The following WWP2 variants were observed in gnomAD, a reference collection of about 807,000 sequenced individuals.
WWP2 encodes NEDD4-like E3 ubiquitin-protein ligase WWP2.
Under a neutral mutation model 121.0 loss-of-function variants are expected in WWP2, and 57 were observed. The observed-to-expected ratio is 0.47, with a 90% confidence interval of 0.38 to 0.59. The LOEUF (loss-of-function observed/expected upper bound fraction) is 0.59. WWP2 is among the 20% of genes least tolerant of loss of function. The pLI, the probability that WWP2 is intolerant of heterozygous loss-of-function variation, is 0.00. For missense variants in WWP2, 962 were observed against 1,158.9 expected, an observed-to-expected ratio of 0.83 and a Z score of 2.47; for synonymous variants, 449 against 441.3, an observed-to-expected ratio of 1.02 and a Z score of -0.22.
At chr16:69,912,296 A>AAAAAC (rs1170811883) in intron 9 of WWP2, among the ~76,000 whole-genome samples, 1 of 151,770 alleles carries the variant, frequency 6.6e-6, no homozygotes, top group Non-Finnish European at 1.5e-5. Flanking sequence ...CATCTCAAAA[A>AAAAAC]AAAACAAAAC....
chr16:69,840,164 A>G lies in WWP2; in HGVS notation c.379A>G (p.Asn127Asp), dbSNP rs189041230. Residue 127 changes from asparagine (N) to aspartate (D), a missense_variant, in exon 5 of 24, where the codon AAC (asparagine) becomes GAC (aspartate). Physicochemically the swap from Asn to Asp is conservative, Grantham distance 23. This residue lies in a region of WWP2 where 145 missense variants were observed against 189.8 expected (regional missense o/e 0.76). Coordinates refer to ENST00000359154, the MANE Select transcript of WWP2 (RefSeq NM_001270454.2). The part of the protein sequence containing the change: ...MQLTLNLQTE[N>D]KGSVVSGGEL... ...GCTGACCCTGAACCTGCAGACGGAG[A>G]ACAAAGGCAGCGTTGTCTCAGGCGG... 3.1e-6 allele frequency: 5 copies of G among 1,614,234 alleles called. No individual in the cohort carries two copies. The highest frequency in any genetic ancestry group is 4.2e-6 in the Non-Finnish European group (5 of 1,180,048).
chr16:69,798,851 T>G, intron 3 of WWP2, 22 bp downstream of exon 3: 1 of 1,612,472 alleles, frequency 6.2e-7, no homozygotes, highest in Non-Finnish European at 8.5e-7. Flanking sequence ...CCCCTTCTTT[T>G]TGAACGCAGC....
At position 69,940,881 on chromosome 16, in the gene WWP2, C is replaced by A. The variant is rs1445394154; in HGVS notation, c.*941C>A. On this transcript the variant is annotated 3_prime_UTR_variant, in exon 24 of 24. Coordinates refer to ENST00000359154, the MANE Select transcript of WWP2 (RefSeq NM_001270454.2). ...TGAGAGGGGTTGAGGTCCCGAGCGC[C>A]ACTCCTAGCCTTGCCGCCTTCAATA... 1.3e-5 allele frequency: 2 copies of A among 153,740 alleles called. No individual in the cohort carries two copies. Among genetic ancestry groups the A allele is most frequent in the African/African-American group, 4.8e-5 (2 of 41,454 alleles). The allele number at this position is 153,740 out of a possible 1,614,324, so 9.5% of individuals were successfully genotyped here. A position where few individuals can be genotyped will look rare whatever the true frequency, so the allele number is the denominator to read the frequency against.
intron 8 of WWP2, among the ~76,000 whole-genome samples, chr16:69,898,240 G>A (rs1280671429): frequency 6.6e-6 from 1 of 151,908 alleles, no homozygotes; most frequent in African/African-American, 2.4e-5. Flanking sequence ...GTTAGCCAGG[G>A]TGGTCTCAAA....
At chr16:69,910,415 CTT>C (rs796675658) in intron 9 of WWP2, 761 of 738,488 alleles carry the variant, frequency 1.0e-3, no homozygotes, top group Middle Eastern at 2.8e-3. Context: ...TGTACTGTGG[CTT>C]TTTTTTTTTT....
chr16:69,800,907 CG>C, intron 4 of WWP2, among the ~76,000 whole-genome samples: 1 of 147,880 alleles, frequency 6.8e-6, no homozygotes, highest in South Asian at 2.3e-4. Context: ...ATTTTATGGC[CG>C]GGGGTGGTAG....
chr16:69,893,937 A>G (rs2058068781), intron 8 of WWP2, among the ~76,000 whole-genome samples: 1 of 152,144 alleles, frequency 6.6e-6, no homozygotes, highest in South Asian at 2.1e-4. Flanking sequence ...CATTTGAGCT[A>G]AGCTTGATTG....
intron 1 of WWP2, among the ~76,000 whole-genome samples, chr16:69,779,608 A>G (rs1190774454): frequency 6.6e-6 from 1 of 152,154 alleles, no homozygotes; most frequent in Non-Finnish European, 1.5e-5. Context: ...TTCAAGTTCC[A>G]TTCTCTAAGA....
At chr16:69,777,130 G>C (rs1278400223) in intron 1 of WWP2, among the ~76,000 whole-genome samples, 1 of 143,362 alleles carries the variant, frequency 7.0e-6, no homozygotes, top group South Asian at 2.1e-4. Context: ...TACACATATG[G>C]ATATATATAC....
rs769475181 is a variant in WWP2 at position 69,937,689 on chromosome 16, G to A, written c.2343+37G>A. 2.5e-6 allele frequency: 4 copies of A among 1,608,162 alleles called. No individual in the cohort carries two copies. Among genetic ancestry groups the A allele is most frequent in the Non-Finnish European group, 8.5e-7 (1 of 1,175,630 alleles). On this transcript the variant is annotated intron_variant, in intron 21 of 23. Transcript: ENST00000359154. The surrounding 1 kb of genome is among the most constrained non-coding windows in gnomAD (Gnocchi z 6.6). ...GCCCAGGCCTTGGCAGGGACATTTG[G>A]GCCATCAACCAAAGGAAACGGGTCC...
intron 4 of WWP2, among the ~76,000 whole-genome samples, chr16:69,824,758 C>T (rs2056653832): frequency 6.9e-6 from 1 of 145,222 alleles, no homozygotes; most frequent in African/African-American, 2.6e-5. Context: ...CTCAACTTTG[C>T]ACCTGTGGCT....
At position 69,871,911 on chromosome 16, in the gene WWP2, G is replaced by T; in HGVS notation, c.683G>T (p.Ser228Ile). The T allele has an allele frequency of 1.2e-6, 2 of 1,613,932 alleles. No individual in the cohort carries two copies. Among genetic ancestry groups the T allele is most frequent in the Admixed American group, 1.7e-5 (1 of 60,006 alleles). The change falls in exon 7 of 24, where the codon AGT becomes ATT. Residue 228 changes from serine (S) to isoleucine (I), a missense_variant. Transcript: ENST00000359154. ...CAGCCCGTCAAGAACTCAGGCCACA[G>T]TGGCTTGGCCAATGGCACAGGTGAG... The part of the protein sequence containing the change: ...HRQPVKNSGH[S>I]GLANGTVNDE...
intron 4 of WWP2, among the ~76,000 whole-genome samples, chr16:69,832,029 A>G (rs1411409289): frequency 6.6e-6 from 1 of 151,940 alleles, no homozygotes; most frequent in Non-Finnish European, 1.5e-5. Flanking sequence ...GGGTTTCACC[A>G]TGTTGCCCAG....
At chr16:69,808,561 G>T (rs992138921) in intron 4 of WWP2, among the ~76,000 whole-genome samples, 1 of 152,068 alleles carries the variant, frequency 6.6e-6, no homozygotes, top group Non-Finnish European at 1.5e-5. Context: ...GCCACCATGC[G>T]TGGCTAATTT....
chr16:69,814,567 T>C (rs1386822480), intron 4 of WWP2, among the ~76,000 whole-genome samples: 1 of 152,250 alleles, frequency 6.6e-6, no homozygotes, highest in Non-Finnish European at 1.5e-5. Flanking sequence ...TACTTTATGC[T>C]GTCCATGTTC....
intron 6 of WWP2, among the ~76,000 whole-genome samples, chr16:69,866,130 G>C (rs2057517826): frequency 6.6e-6 from 1 of 152,102 alleles, no homozygotes; most frequent in South Asian, 2.1e-4. Context: ...CCATTCAGTT[G>C]GTTGAGGAGC....
intron 6 of WWP2, among the ~76,000 whole-genome samples, chr16:69,863,996 G>A (rs1192360576): frequency 1.3e-5 from 2 of 152,238 alleles, no homozygotes; most frequent in East Asian, 1.9e-4. Context: ...AGTATTTGGC[G>A]CTTACAAGCA....
At chr16:69,803,261 C>T (rs2056208278) in intron 4 of WWP2, among the ~76,000 whole-genome samples, 1 of 151,982 alleles carries the variant, frequency 6.6e-6, no homozygotes, top group South Asian at 2.1e-4. Flanking sequence ...GACGTCCTGA[C>T]ATTTTATCCT....
chr16:69,842,024 G>C lies in WWP2; in HGVS notation c.479G>C (p.Gly160Ala). The C allele has an allele frequency of 6.2e-7, 1 of 1,611,972 alleles. No individual in the cohort carries two copies. The highest frequency in any genetic ancestry group is 8.5e-7 in the Non-Finnish European group (1 of 1,179,032). ...TTTCTTGTGATTGATTCCTTTCTAG[G>C]ATCACAGCTGCCTTCGAGAGACTCC... ...NVPNGSALTD[G>A]SQLPSRDSSG... Residue 160 changes from glycine (G) to alanine (A), a missense_variant and splice_region_variant, in exon 6 of 24, where the codon GGA becomes GCA. Physicochemically the swap from Gly to Ala is moderately conservative, Grantham distance 60. Around this residue, in one of 3 missense-constraint regions of WWP2, gnomAD observed 211 missense variants for 196.5 expected, o/e 1.07. Transcript: ENST00000359154.
Sources: allele counts gnomAD v4.1 joint callset (sites outside exome capture counted in the v4.1 genomes callset), GRCh38; gene constraint gnomAD v4.1.1; regional missense constraint gnomAD v4.1.1; non-coding constraint Gnocchi (gnomAD v3.1); transcripts MANE v1.5; gene names NCBI Gene and HGNC (gene_info 2026-07-23, HGNC 2026-07-21).